ARHGAP45: variants seen among roughly 807,000 people sequenced by gnomAD.
ARHGAP45 encodes the protein Rho GTPase activating protein 45.
Under a neutral mutation model 116.1 loss-of-function variants are expected in ARHGAP45, and 56 were observed. The observed-to-expected ratio is 0.48, with a 90% CI of 0.39 to 0.60. ARHGAP45 has a LOEUF of 0.60. Among genes scored for constraint, ARHGAP45 ranks in the 20% least tolerant of loss-of-function variants. The pLI is 0.00. For missense variants in ARHGAP45, 1,622 were observed against 1,601.0 expected, an observed-to-expected ratio of 1.01 and a Z score of -0.22; for synonymous variants, 866 against 701.7, an observed-to-expected ratio of 1.23 and a Z score of -3.70.
chr19:1,086,216 TCCCCTG>T lies in ARHGAP45; in HGVS notation c.*212_*217del. ...CGGCACAGGACTGTGCCCTGTGCTG[TCCCCTG>T]CACCCCGGCTCAGCTGAGCTGGGGA... On this transcript the variant is annotated 3_prime_UTR_variant, in exon 23 of 23. Transcript: ENST00000313093. The T allele has an allele frequency of 1.8e-6, 1 of 564,130 alleles. No individual in the cohort carries two copies. Among genetic ancestry groups the T allele is most frequent in the Non-Finnish European group, 3.2e-6 (1 of 315,450 alleles). 34.9% of individuals were successfully genotyped at this position (564,130 alleles called of 1,614,324 possible).
At chr19:1,077,134 T>G (rs2043268854) in intron 10 of ARHGAP45, 1 of 985,236 alleles carries the variant, frequency 1.0e-6, no homozygotes, top group South Asian at 4.7e-5. Context: ...GTGCTCTTCC[T>G]GCCAACCTGT....
At chr19:1,066,269 T>A, upstream of ARHGAP45, 29 of 431,150 alleles carry the variant, frequency 6.7e-5, no homozygotes, top group Non-Finnish European at 8.4e-5. Context: ...GGGAGAGAGT[T>A]CACACTGCGG....
chr19:1,069,808 G>T lies in ARHGAP45; in HGVS notation c.421+1064G>T, dbSNP rs1392912575. Among the ~76,000 whole-genome samples, 1 of 143,318 alleles carries T rather than the reference G, an allele frequency of 7.0e-6. No individual in the cohort carries two copies. The highest frequency in any genetic ancestry group is 2.6e-5 in the African/African-American group (1 of 38,610). The allele number at this position is 143,318 out of a possible 152,430, so 94.0% of individuals were successfully genotyped here. A position where few individuals can be genotyped will look rare whatever the true frequency, so the allele number is the denominator to read the frequency against. On this transcript the variant is annotated intron_variant, in intron 2 of 22. Transcript: ENST00000313093. The surrounding 1 kb of genome is among the most constrained non-coding windows in gnomAD (Gnocchi z 4.1). Reference sequence around the variant, plus strand: ...GGAGGTCTGAACTGGGCCAGCCAGGGTGGGGCACTTTTTTTTTTTTTTTTT... The same window carrying T: ...GGAGGTCTGAACTGGGCCAGCCAGGTTGGGGCACTTTTTTTTTTTTTTTTT...
At chr19:1,078,102 GTGTGAC>G in intron 11 of ARHGAP45, 57 bp downstream of exon 11, 1 of 1,507,670 alleles carries the variant, frequency 6.6e-7, no homozygotes, top group Admixed American at 2.2e-5. Flanking sequence ...CCAATGCTTG[GTGTGAC>G]ATTTACTACC....
Position 1,083,138 on chromosome 19 carries a change from C to A in ARHGAP45, c.2745-5C>A. 6.2e-7 allele frequency: 1 copy of A among 1,603,722 alleles called. No individual in the cohort carries two copies. The highest frequency in any genetic ancestry group is 8.5e-7 in the Non-Finnish European group (1 of 1,177,522). On this transcript the variant is annotated splice_region_variant and splice_polypyrimidine_tract_variant and intron_variant, in intron 20 of 22. Coordinates refer to ENST00000313093, the MANE Select transcript of ARHGAP45 (RefSeq NM_012292.5). ...CTCAGCACCTGGCCCCTGCCCACCC[C>A]GCAGGATCGTGGAGGTGGAGCAGGA...
rs1484613825 is a variant in ARHGAP45, at chr19:1,069,068, T to TG, written c.421+328dup. ...GAGAATGCATTTGGGGGCCAAGGTG[T>TG]GGGGTGCCGCTGGTGTAGGATGAAG... On this transcript the variant is annotated intron_variant, in intron 2 of 22. Coordinates refer to ENST00000313093, the MANE Select transcript of ARHGAP45 (RefSeq NM_012292.5). This position sits in a 1 kb window ranked among gnomAD's most constrained non-coding sequence, Gnocchi z 4.1. Among the ~76,000 whole-genome samples the TG allele has an allele frequency of 6.6e-6, 1 of 151,876 alleles. No homozygotes were observed. Among genetic ancestry groups the TG allele is most frequent in the Non-Finnish European group, 1.5e-5 (1 of 67,962 alleles).
At position 1,085,759 on chromosome 19, in the gene ARHGAP45, T is replaced by C. The variant is rs2043611717; in HGVS notation, c.3164T>C (p.Leu1055Pro). Reference sequence around the variant, plus strand: ...AGTGCCCTGGGCCACCTCAGCTTCCTGGAGCAGCAGCAGAGCGAGGCCAGC... The same window carrying C: ...AGTGCCCTGGGCCACCTCAGCTTCCCGGAGCAGCAGCAGAGCGAGGCCAGC... ...EASALGHLSF[L>P]EQQQSEASLE... Residue 1055 changes from leucine to proline, a missense_variant, in exon 23 of 23, where the codon CTG (leucine) becomes CCG (proline). This residue lies in a region of ARHGAP45 where 1,334 missense variants were observed against 1,263.8 expected (regional missense o/e 1.06). Coordinates refer to ENST00000313093, the MANE Select transcript of ARHGAP45 (RefSeq NM_012292.5). The C allele has an allele frequency of 1.2e-6, 2 of 1,612,406 alleles. No homozygotes were observed. The highest frequency in any genetic ancestry group is 3.3e-5 in the Admixed American group (2 of 59,884).
chr19:1,071,967 C>T lies in ARHGAP45; in HGVS notation c.422-1182C>T, dbSNP rs1050287692. ...GAATTCCGTGGGTTTGTTTCCACTACGTGGTGTGTGCCTGGCTCTCGATGT... is the reference window on the plus strand; with the variant it reads ...GAATTCCGTGGGTTTGTTTCCACTATGTGGTGTGTGCCTGGCTCTCGATGT... On this transcript the variant is annotated intron_variant, in intron 2 of 22. Transcript: ENST00000313093. The surrounding 1 kb of genome is among the most constrained non-coding windows in gnomAD (Gnocchi z 4.6). Among the ~76,000 whole-genome samples the T allele has an allele frequency of 1.3e-5, 2 of 152,122 alleles. No homozygotes were observed. The highest frequency in any genetic ancestry group is 2.9e-5 in the Non-Finnish European group (2 of 68,026).
chr19:1,067,125 C>G, upstream of ARHGAP45: 1 of 1,125,550 alleles, frequency 8.9e-7, no homozygotes, highest in South Asian at 4.0e-5. Flanking sequence ...GGGGGCGCGG[C>G]CCGGGGCTGG....
chr19:1,076,481 G>GTTTTTTTTTT lies in ARHGAP45; in HGVS notation c.1186-1375_1186-1374insTTTTTTTTTT, dbSNP rs1568464614. Reference sequence around the variant, plus strand: ...TAGAAACCTGTGATTGTTGGCAGTAGTCTTTTTTTTTTTTTTTTTTTTTTT... The same window carrying GTTTTTTTTTT: ...TAGAAACCTGTGATTGTTGGCAGTAGTTTTTTTTTTTCTTTTTTTTTTTTTTTTTTTTTTT... On this transcript the variant is annotated intron_variant, in intron 10 of 22. Transcript: ENST00000313093. 2.8e-4 allele frequency among the ~76,000 whole-genome samples: 29 copies of GTTTTTTTTTT among 104,168 alleles called. 1 individual carries two copies. The highest frequency in any genetic ancestry group is 1.1e-3 in the African/African-American group (29 of 25,340). 68.3% of individuals were successfully genotyped at this position (104,168 alleles called of 152,430 possible).
chr19:1,081,396 C>T, intron 17 of ARHGAP45, 154 bp from the exon 18 acceptor site: 1 of 824,764 alleles, frequency 1.2e-6, no homozygotes. Context: ...GGGATCACCC[C>T]TGGGGTGGAA....
chr19:1,086,003 G>A lies in ARHGAP45; in HGVS notation c.3408G>A (p.Val1136=). 1 of 1,610,526 alleles carries A rather than the reference G, an allele frequency of 6.2e-7. No individual in the cohort carries two copies. Among genetic ancestry groups the A allele is most frequent in the Non-Finnish European group, 8.5e-7 (1 of 1,178,372 alleles). Residue 1136 remains valine, a synonymous_variant, in exon 23 of 23, where the codon GTG becomes GTA. Transcript: ENST00000313093. ...GCAGGGAAAGGCAGCCGGAATTCGT[G>A]TGAGCTGGGGTGGGGCTGGGACCAC... The part of the protein sequence containing the change: ...GSCRERQPEF[V]
rs796862776 is a variant in ARHGAP45, at chr19:1,085,510, TCCATCTCTCCTGTCTCTCC to T, written c.3065-130_3065-112del. 4.2e-3 allele frequency: 2,264 copies of T among 544,546 alleles called. 27 individuals carry two copies. The highest frequency in any genetic ancestry group is 0.036 in the African/African-American group (1,743 of 48,130). 33.7% of individuals were successfully genotyped at this position (544,546 alleles called of 1,614,324 possible). ...TGTCTGTCCCTCCCCTTGTCTCTCC[TCCATCTCTCCTGTCTCTCC>T]CCATCTCTCCTGTCTCTCCATCTCT... On this transcript the variant is annotated intron_variant, in intron 22 of 22. Coordinates refer to ENST00000313093, the MANE Select transcript of ARHGAP45 (RefSeq NM_012292.5).
chr19:1,072,148 G>A (rs933997106), intron 2 of ARHGAP45, among the ~76,000 whole-genome samples: 20 of 151,764 alleles, frequency 1.3e-4, no homozygotes, highest in Non-Finnish European at 2.8e-4. Flanking sequence ...TGCAACCTCC[G>A]CCTCCCAGCT....
At position 1,079,934 on chromosome 19, in the gene ARHGAP45, A is replaced by G. The variant is rs1439467921; in HGVS notation, c.1519A>G (p.Ile507Val). The G allele has an allele frequency of 1.2e-6, 2 of 1,606,136 alleles. No homozygotes were observed. Among genetic ancestry groups the G allele is most frequent in the Non-Finnish European group, 1.7e-6 (2 of 1,174,444 alleles). Residue 507 changes from isoleucine to valine, a missense_variant, in exon 13 of 23, where the codon ATC becomes GTC. Around this residue, in one of 3 missense-constraint regions of ARHGAP45, gnomAD observed 1,334 missense variants for 1,263.8 expected, o/e 1.06. Transcript: ENST00000313093. ...TCTCCGGTGCCGCCCGCAGGCCACGATCTCCTACTACCAGATGATGCATAT... is the reference window on the plus strand; with the variant it reads ...TCTCCGGTGCCGCCCGCAGGCCACGGTCTCCTACTACCAGATGATGCATAT... Reference protein sequence around the residue: ...QSDQTIKSATISYYQMMHMQT... With the variant: ...QSDQTIKSATVSYYQMMHMQT...
At chr19:1,083,839 C>T (rs970812101) in intron 21 of ARHGAP45, among the ~76,000 whole-genome samples, 8 of 152,230 alleles carry the variant, frequency 5.3e-5, no homozygotes, top group African/African-American at 1.9e-4. Context: ...TTCCCAGGTT[C>T]AAGCGATTCT....
chr19:1,067,428 A>G lies in ARHGAP45; in HGVS notation c.23A>G (p.Glu8Gly). The G allele has an allele frequency of 6.2e-7, 1 of 1,601,384 alleles. No individual in the cohort carries two copies. The highest frequency in any genetic ancestry group is 8.5e-7 in the Non-Finnish European group (1 of 1,174,560). The change falls in exon 1 of 23, where the codon GAG becomes GGG. Residue 8 changes from glutamate (E) to glycine (G), a missense_variant. Coordinates refer to ENST00000313093, the MANE Select transcript of ARHGAP45 (RefSeq NM_012292.5). Reference sequence around the variant, plus strand: ...ATCATGTTCTCCAGGAAGAAACGAGAGCTCATGAAAACCCCTTCCATCTCG... The same window carrying G: ...ATCATGTTCTCCAGGAAGAAACGAGGGCTCATGAAAACCCCTTCCATCTCG... MFSRKKR[E>G]LMKTPSISKK...
intron 11 of ARHGAP45, among the ~76,000 whole-genome samples, chr19:1,078,647 G>A (rs2043337307): frequency 6.7e-6 from 1 of 149,888 alleles, no homozygotes; most frequent in Non-Finnish European, 1.5e-5. Flanking sequence ...CTGACCTCAT[G>A]ATCCACCCAC....
At chr19:1,077,371 GTTC>G (rs1237247723) in intron 10 of ARHGAP45, 3 of 976,560 alleles carry the variant, frequency 3.1e-6, no homozygotes, top group African/African-American at 1.9e-5. Context: ...GCCTCCTCCC[GTTC>G]TTTTTTTTTT....
Sources: gnomAD v4.1 joint callset for allele counts (sites outside exome capture counted in the v4.1 genomes callset) on GRCh38, gnomAD v4.1.1 for gene constraint, gnomAD v4.1.1 regional missense constraint, Gnocchi (gnomAD v3.1) non-coding constraint, MANE v1.5 for transcripts, NCBI Gene and HGNC (gene_info 2026-07-23, HGNC 2026-07-21) for gene names.